Variants in ANK3 observed in about 807,000 individuals in gnomAD.
ANK3 encodes the protein ankyrin 3, also known as ankyrin-3.
ANK3 carries 57 observed loss-of-function variants against 370.9 expected under a neutral mutation model. The observed-to-expected ratio is 0.15, with a 90% CI of 0.12 to 0.19. The LOEUF (loss-of-function observed/expected upper bound fraction) is 0.19. Among genes scored for constraint, ANK3 ranks in the 10% least tolerant of loss-of-function variants. The pLI is 1.00. For synonymous variants in ANK3, 1,929 were observed against 1,946.3 expected, an observed-to-expected ratio of 0.99 and a Z score of 0.23; for missense variants, 4,439 against 5,302.1, an observed-to-expected ratio of 0.84 and a Z score of 5.06.
At chr10:60,059,198 A>G (rs543870014) in intron 41 of ANK3, 142 bp downstream of exon 41, 4 of 662,734 alleles carry the variant, frequency 6.0e-6, no homozygotes, top group East Asian at 2.6e-5. Context: ...CCAGATTAGC[A>G]TAATGAACTG....
chr10:60,477,175 T>A (rs957749666), intron 2 of ANK3, among the ~76,000 whole-genome samples: 9 of 152,076 alleles, frequency 5.9e-5, no homozygotes, highest in African/African-American at 2.2e-4. Flanking sequence ...GCTAACATTT[T>A]TGAAAAAAAT....
At position 60,113,298 on chromosome 10, in the gene ANK3, C is replaced by T. The variant is rs188423214; in HGVS notation, c.2948+927G>A. 1.3e-3 allele frequency among the ~76,000 whole-genome samples: 196 copies of T among 152,012 alleles called. 1 individual carries two copies. The highest frequency in any genetic ancestry group is 4.3e-4 in the Non-Finnish European group (29 of 67,984). On this transcript the variant is annotated intron_variant, in intron 26 of 43. Transcript: ENST00000280772. ...CTTCAGAAATGCAGAGGCACCAACT[C>T]GAAAGTTCAAATTTATATATTCTTT... is the stretch of plus-strand genomic sequence containing the variant.
At position 60,378,900 on chromosome 10, in the gene ANK3, ACAAT is replaced by A. The variant is rs144828174; in HGVS notation, c.114+10521_114+10524del. ...TCTGCACAGAAAAAAAAAATAAAAA[ACAAT>A]CAACAGAGTGAAAAAACAATCTACA... On this transcript the variant is annotated intron_variant, in intron 1 of 43. Transcript: ENST00000280772. Among the ~76,000 whole-genome samples the A allele has an allele frequency of 2.3e-3, 354 of 152,248 alleles. 1 individual carries two copies. Among genetic ancestry groups the A allele is most frequent in the African/African-American group, 7.9e-3 (330 of 41,558 alleles).
At chr10:60,267,432 G>T (rs1382273294) in intron 5 of ANK3, among the ~76,000 whole-genome samples, 1 of 152,134 alleles carries the variant, frequency 6.6e-6, no homozygotes, top group South Asian at 2.1e-4. Context: ...CCTCCCTGAA[G>T]ACATGAACGT....
chr10:60,576,895 CA>C lies in ANK3; in HGVS notation c.96+38290del, dbSNP rs1567159809. Among the ~76,000 whole-genome samples, 3 of 152,170 alleles carry C rather than the reference CA, an allele frequency of 2.0e-5. No homozygotes were observed. In the South Asian group the frequency reaches 6.2e-4, roughly 32 times the overall value. On this transcript the variant is annotated intron_variant, in intron 2 of 43. Transcript: ENST00000373827. ...TAGCTGGTACCAGAAGCAATTCTACCAACTGCTCTGAAGAGCTTTCTTTGCA... is the reference window on the plus strand; with the variant it reads ...TAGCTGGTACCAGAAGCAATTCTACCACTGCTCTGAAGAGCTTTCTTTGCA...
intron 20 of ANK3, among the ~76,000 whole-genome samples, 190 bp downstream of exon 20, chr10:60,172,710 T>A (rs965151978): frequency 1.3e-5 from 2 of 152,188 alleles, no homozygotes; most frequent in Non-Finnish European, 2.9e-5. Context: ...AGTTTTCACA[T>A]ATAAAACACT....
chr10:60,388,651 TTCC>T (rs1566981274), intron 1 of ANK3, among the ~76,000 whole-genome samples: 1 of 152,114 alleles, frequency 6.6e-6, no homozygotes, highest in Non-Finnish European at 1.5e-5. Flanking sequence ...ACCCAGAATA[TTCC>T]TCCTATTTTC....
At position 60,278,852 on chromosome 10, in the gene ANK3, G is replaced by A. The variant is rs771403224; in HGVS notation, c.336C>T (p.His112=). The A allele has an allele frequency of 6.2e-7, 1 of 1,613,890 alleles. No homozygotes were observed. The highest frequency in any genetic ancestry group is 8.5e-7 in the Non-Finnish European group (1 of 1,179,898). ...AATKKGNTAL[H]IASLAGQAEV... ...CTGCTTGCCCAGCCAAAGATGCGAT[G>A]TGCAATGCTGTGTTTCCTTTCTGTG... is the stretch of plus-strand genomic sequence containing the variant. Residue 112 remains histidine, a synonymous_variant, in exon 4 of 44, where the codon CAC becomes CAT. Transcript: ENST00000280772.
At chr10:60,630,801 A>G (rs921672103) in intron 1 of ANK3, among the ~76,000 whole-genome samples, 1 of 152,210 alleles carries the variant, frequency 6.6e-6, no homozygotes, top group South Asian at 2.1e-4. Flanking sequence ...ATGAAAACCT[A>G]GACGGAGAGA....
chr10:60,186,057 G>A (rs1261628128), intron 17 of ANK3, among the ~76,000 whole-genome samples: 3 of 152,294 alleles, frequency 2.0e-5, no homozygotes, highest in African/African-American at 7.2e-5. Context: ...AGGCAGCAAT[G>A]TTTCCCATTT....
intron 1 of ANK3, among the ~76,000 whole-genome samples, chr10:60,387,015 C>T (rs1009443002): frequency 6.6e-6 from 1 of 152,036 alleles, no homozygotes; most frequent in African/African-American, 2.4e-5. Flanking sequence ...CAAAAATTAG[C>T]CGGGCAGGGT....
intron 1 of ANK3, among the ~76,000 whole-genome samples, chr10:60,362,560 G>C (rs2058772365): frequency 6.6e-6 from 1 of 152,178 alleles, no homozygotes; most frequent in South Asian, 2.1e-4. Context: ...TTGGCCAAAA[G>C]CTCCCCATAG....
intron 1 of ANK3, among the ~76,000 whole-genome samples, chr10:60,690,935 C>A (rs2079343384): frequency 6.6e-6 from 1 of 152,214 alleles, no homozygotes; most frequent in African/African-American, 2.4e-5. Flanking sequence ...GGCTATCACA[C>A]AACCTGTAGG....
At chr10:60,486,435 G>A (rs1467430412) in intron 2 of ANK3, among the ~76,000 whole-genome samples, 1 of 152,046 alleles carries the variant, frequency 6.6e-6, no homozygotes, top group Non-Finnish European at 1.5e-5. Flanking sequence ...AAAAAATTAG[G>A]CTGGGTGTGG....
chr10:60,634,967 CTT>C (rs978926869), intron 1 of ANK3, among the ~76,000 whole-genome samples: 2 of 152,188 alleles, frequency 1.3e-5, no homozygotes, highest in Non-Finnish European at 2.9e-5. Flanking sequence ...TCTTTAAGAA[CTT>C]TAACACTCAC....
At chr10:60,474,117 A>G (rs113488515) in intron 2 of ANK3, among the ~76,000 whole-genome samples, 2,746 of 152,194 alleles carry the variant, frequency 0.018, 97 homozygotes, top group African/African-American at 0.063. Context: ...TGGGCAACAG[A>G]ATGAGACCCT....
intron 28 of ANK3, among the ~76,000 whole-genome samples, chr10:60,089,657 T>C (rs2087706176): frequency 6.6e-6 from 1 of 152,160 alleles, no homozygotes; most frequent in Non-Finnish European, 1.5e-5. Context: ...ATTTATCTTA[T>C]ATGATATTAA....
intron 8 of ANK3, among the ~76,000 whole-genome samples, chr10:60,233,526 G>A (rs766463927): frequency 1.6e-4 from 24 of 152,024 alleles, no homozygotes; most frequent in Non-Finnish European, 3.5e-4. Context: ...TGAACTCCTG[G>A]GCTCAAGCGA....
chr10:60,584,661 G>A (rs553249408), intron 2 of ANK3, among the ~76,000 whole-genome samples: 8 of 152,058 alleles, frequency 5.3e-5, no homozygotes, highest in Non-Finnish European at 1.0e-4. Context: ...GCATCAAAGT[G>A]TACAAAAGAC....
Sources: allele counts gnomAD v4.1 joint callset (sites outside exome capture counted in the v4.1 genomes callset), GRCh38; gene constraint gnomAD v4.1.1; transcripts MANE v1.5; gene names NCBI Gene and HGNC (gene_info 2026-07-23, HGNC 2026-07-21).